The following HHAT variants were observed in gnomAD, a reference collection of about 807,000 sequenced individuals.
HHAT encodes the protein protein-cysteine N-palmitoyltransferase HHAT.
In HHAT, 47 loss-of-function variants were observed where a neutral mutation model predicts 70.8. The observed-to-expected ratio is 0.66, with a 90% CI of 0.53 to 0.85. HHAT has a LOEUF of 0.85. Among genes scored for constraint, HHAT ranks in the 40% least tolerant of loss-of-function variants. The pLI is 0.00. For missense variants in HHAT, 609 were observed against 604.8 expected (o/e 1.01, Z -0.07); for synonymous variants, 228 against 247.6 (o/e 0.92, Z 0.74).
intron 1 of HHAT, among the ~76,000 whole-genome samples, chr1:210,332,298 G>A (rs933244070): frequency 1.3e-5 from 2 of 152,230 alleles, no homozygotes; most frequent in Admixed American, 6.5e-5. Context: ...TGCAGCTGTG[G>A]TGTTGGTTAG....
chr1:210,654,116 GT>G, intron 11 of HHAT, among the ~76,000 whole-genome samples: 1 of 143,604 alleles, frequency 7.0e-6, no homozygotes, highest in Non-Finnish European at 1.5e-5. Flanking sequence ...CAGCAGAATA[GT>G]GTGACAGCAG....
At chr1:210,578,648 G>A (rs1480036289) in intron 9 of HHAT, among the ~76,000 whole-genome samples, 2 of 152,122 alleles carry the variant, frequency 1.3e-5, no homozygotes, top group African/African-American at 4.8e-5. Context: ...CCTCAAAAAA[G>A]AAGAAATTCC....
At chr1:210,373,242 G>A (rs1343298834) in intron 3 of HHAT, among the ~76,000 whole-genome samples, 2 of 152,086 alleles carry the variant, frequency 1.3e-5, no homozygotes, top group African/African-American at 4.8e-5. Context: ...AAAGGGGGAC[G>A]GGATTATTCC....
intron 9 of HHAT, among the ~76,000 whole-genome samples, chr1:210,566,760 A>G (rs528186898): frequency 2.6e-5 from 4 of 151,984 alleles, no homozygotes; most frequent in African/African-American, 9.7e-5. Context: ...CACCTCCACC[A>G]CTCAGTAAAA....
intron 7 of HHAT, among the ~76,000 whole-genome samples, chr1:210,453,623 C>T (rs183972524): frequency 5.9e-5 from 9 of 152,124 alleles, no homozygotes; most frequent in South Asian, 2.1e-4. Context: ...ACTTGGTGTA[C>T]GGACAACTTC....
chr1:210,340,506 T>C (rs2085947089), intron 1 of HHAT, among the ~76,000 whole-genome samples: 2 of 152,210 alleles, frequency 1.3e-5, no homozygotes, highest in Admixed American at 1.3e-4. Context: ...TCACTTTTAT[T>C]GCTTGTGGTT....
intron 4 of HHAT, among the ~76,000 whole-genome samples, chr1:210,396,502 T>G (rs2091795033): frequency 6.6e-6 from 1 of 152,232 alleles, no homozygotes; most frequent in African/African-American, 2.4e-5. Flanking sequence ...GAAAGTATAA[T>G]GCTACAGCCA....
At chr1:210,614,817 G>C (rs1667339686) in intron 10 of HHAT, among the ~76,000 whole-genome samples, 1 of 152,182 alleles carries the variant, frequency 6.6e-6, no homozygotes, top group South Asian at 2.1e-4. Flanking sequence ...ATCATTGTTG[G>C]ACATTTGGGT....
At chr1:210,542,606 T>G (rs1383007949) in intron 9 of HHAT, among the ~76,000 whole-genome samples, 1 of 151,922 alleles carries the variant, frequency 6.6e-6, no homozygotes, top group African/African-American at 2.4e-5. Flanking sequence ...AAGACTGGCC[T>G]GGGCAATATA....
chr1:210,654,126 A>G (rs78697677), intron 11 of HHAT, among the ~76,000 whole-genome samples: 1 of 104 alleles, frequency 9.6e-3, no homozygotes, highest in African/African-American at 0.025. Context: ...GTGTGACAGC[A>G]GAATAGTGTG....
chr1:210,592,674 A>G (rs1418491045), intron 10 of HHAT, among the ~76,000 whole-genome samples: 1 of 152,086 alleles, frequency 6.6e-6, no homozygotes, highest in African/African-American at 2.4e-5. Context: ...AACATGGAAT[A>G]TCTTTCCATT....
intron 7 of HHAT, among the ~76,000 whole-genome samples, chr1:210,421,747 G>T (rs1298463350): frequency 6.6e-6 from 1 of 152,034 alleles, no homozygotes; most frequent in African/African-American, 2.4e-5. Context: ...GCCTGGCCTG[G>T]TATATAATTT....
chr1:210,563,755 T>C (rs928498991), intron 9 of HHAT, among the ~76,000 whole-genome samples: 4 of 152,202 alleles, frequency 2.6e-5, no homozygotes, highest in Non-Finnish European at 2.9e-5. Context: ...GTCTTCACCA[T>C]GCCAAGTTAC....
At chr1:210,444,448 A>G (rs954394947) in intron 7 of HHAT, among the ~76,000 whole-genome samples, 1 of 140,142 alleles carries the variant, frequency 7.1e-6, no homozygotes, top group Admixed American at 7.4e-5. Context: ...TACCTCTGGT[A>G]GAATTCGGCT....
chr1:210,372,664 G>A (rs951995855), intron 3 of HHAT, among the ~76,000 whole-genome samples: 1 of 152,170 alleles, frequency 6.6e-6, no homozygotes. Flanking sequence ...CTATTCTGCT[G>A]GCTGAAGCAG....
intron 1 of HHAT, among the ~76,000 whole-genome samples, chr1:210,343,354 T>G (rs1007763138): frequency 2.6e-5 from 4 of 152,156 alleles, no homozygotes; most frequent in African/African-American, 9.7e-5. Flanking sequence ...ATAGTTACTT[T>G]TAAGTTTTCA....
At chr1:210,621,931 G>A (rs111752372) in intron 10 of HHAT, among the ~76,000 whole-genome samples, 64 of 152,302 alleles carry the variant, frequency 4.2e-4, no homozygotes, top group Admixed American at 9.8e-4. Context: ...GCAGAGAGCC[G>A]TGGGTGGGGA....
At chr1:210,399,543 T>C (rs2091964013) in intron 4 of HHAT, among the ~76,000 whole-genome samples, 1 of 152,114 alleles carries the variant, frequency 6.6e-6, no homozygotes, top group Admixed American at 6.5e-5. Flanking sequence ...GTTTTATATA[T>C]GAAGAAATGA....
At chr1:210,558,058 C>T (rs2095588612) in intron 9 of HHAT, among the ~76,000 whole-genome samples, 1 of 152,156 alleles carries the variant, frequency 6.6e-6, no homozygotes, top group South Asian at 2.1e-4. Flanking sequence ...TTTTCTTCCA[C>T]TTGAGCAGTG....
Sources: allele counts gnomAD v4.1 joint callset (sites outside exome capture counted in the v4.1 genomes callset), GRCh38; gene constraint gnomAD v4.1.1; transcripts MANE v1.5; gene names NCBI Gene and HGNC (gene_info 2026-07-23, HGNC 2026-07-21).